The following TSPAN9 variants were observed in gnomAD, a reference collection of about 807,000 sequenced individuals.
The protein encoded by TSPAN9 is tetraspanin-9.
A neutral mutation model predicts 31.0 loss-of-function variants in TSPAN9; 16 were observed. That is an observed-to-expected ratio of 0.52 (90% CI 0.35 to 0.78). TSPAN9 has a LOEUF of 0.78. Among genes scored for constraint, TSPAN9 ranks in the 30% least tolerant of loss-of-function variants. TSPAN9 has a pLI of 0.01. For missense variants in TSPAN9, 272 were observed against 312.5 expected (o/e 0.87, Z 0.98); for synonymous variants, 145 against 121.6 (o/e 1.19, Z -1.27).
chr12:3,208,780 T>G (rs2098376681), intron 3 of TSPAN9, among the ~76,000 whole-genome samples: 1 of 152,272 alleles, frequency 6.6e-6, no homozygotes, highest in Non-Finnish European at 1.5e-5. Context: ...TCTATGCCCA[T>G]GAGCCTCTGT....
chr12:3,138,685 G>C (rs1487729311), intron 2 of TSPAN9, among the ~76,000 whole-genome samples: 1 of 151,988 alleles, frequency 6.6e-6, no homozygotes, highest in Admixed American at 6.6e-5. Flanking sequence ...GTAGAGATGG[G>C]GTTTCGTCAT....
intron 3 of TSPAN9, among the ~76,000 whole-genome samples, chr12:3,235,395 C>A (rs997912613): frequency 6.6e-6 from 1 of 150,380 alleles, no homozygotes; most frequent in Non-Finnish European, 1.5e-5. Flanking sequence ...CGCACGCTAG[C>A]ATTTTCCTTA....
chr12:3,133,513 T>G (rs7975449), intron 2 of TSPAN9, among the ~76,000 whole-genome samples: 93,293 of 151,898 alleles, frequency 0.61, 28,795 homozygotes, highest in Admixed American at 0.66. Context: ...CCTTGGTATG[T>G]ATTCAGAATC....
intron 3 of TSPAN9, among the ~76,000 whole-genome samples, chr12:3,225,424 G>A (rs1406101062): frequency 2.0e-4 from 30 of 152,286 alleles, no homozygotes; most frequent in African/African-American, 5.8e-4. Flanking sequence ...GAGGCCTGCA[G>A]AGACTGAAGG....
intron 2 of TSPAN9, among the ~76,000 whole-genome samples, chr12:3,188,497 G>T (rs1316877353): frequency 6.6e-6 from 1 of 152,134 alleles, no homozygotes; most frequent in Non-Finnish European, 1.5e-5. Flanking sequence ...GGCAGCATCA[G>T]TGCCCAGGGT....
chr12:3,096,433 C>CTTTTTTTTTT (rs1302577208), intron 2 of TSPAN9, among the ~76,000 whole-genome samples: 1 of 152,240 alleles, frequency 6.6e-6, no homozygotes, highest in South Asian at 2.1e-4. Context: ...TGCATTGTCT[C>CTTTTTTTTTT]TTTATTCCTT....
At chr12:3,244,593 C>G (rs2098398389) in intron 3 of TSPAN9, among the ~76,000 whole-genome samples, 1 of 152,188 alleles carries the variant, frequency 6.6e-6, no homozygotes, top group Non-Finnish European at 1.5e-5. Context: ...ACCTCACGCC[C>G]CACCGGACCA....
chr12:3,244,084 G>A (rs2098398049), intron 3 of TSPAN9, among the ~76,000 whole-genome samples: 1 of 152,182 alleles, frequency 6.6e-6, no homozygotes, highest in South Asian at 2.1e-4. Flanking sequence ...GCCTGTCTGG[G>A]AGCACTTTGT....
chr12:3,120,655 G>A (rs1020031267), intron 2 of TSPAN9, among the ~76,000 whole-genome samples: 5 of 152,230 alleles, frequency 3.3e-5, no homozygotes, highest in Non-Finnish European at 7.3e-5. Flanking sequence ...TTGGGCTAGG[G>A]CAGGAAGTTG....
intron 2 of TSPAN9, chr12:3,084,311 G>A: frequency 6.6e-6 from 1 of 152,622 alleles, no homozygotes; most frequent in Non-Finnish European, 1.5e-5. Context: ...GGTGGACGGT[G>A]CTGATTCAGG....
rs760999811 is a variant in TSPAN9, at chr12:3,107,136, C to G, written c.-18+23417C>G. 2.1e-4 allele frequency among the ~76,000 whole-genome samples: 32 copies of G among 152,094 alleles called. No individual in the cohort carries two copies. The highest frequency in any genetic ancestry group is 4.0e-4 in the Non-Finnish European group (27 of 68,026). On this transcript the variant is annotated intron_variant, in intron 2 of 8. Transcript: ENST00000011898. This position sits in a 1 kb window ranked among gnomAD's most constrained non-coding sequence, Gnocchi z 4.1. ...GCCACCGCAGAGCACGAAATCATCACGGGGCTGTGGAAATCCAATTAGACT... is the reference window on the plus strand; with the variant it reads ...GCCACCGCAGAGCACGAAATCATCAGGGGGCTGTGGAAATCCAATTAGACT...
chr12:3,242,467 C>T lies in TSPAN9; in HGVS notation c.64-35954C>T, dbSNP rs2098397055. On this transcript the variant is annotated intron_variant, in intron 3 of 8. Coordinates refer to ENST00000011898, the MANE Select transcript of TSPAN9 (RefSeq NM_006675.5). ...GAAGAGCAATAGCCTGGACATGTGACACGGCCAGTCCAAGCTCCCACAGTG... is the reference window on the plus strand; with the variant it reads ...GAAGAGCAATAGCCTGGACATGTGATACGGCCAGTCCAAGCTCCCACAGTG... 3.3e-5 allele frequency among the ~76,000 whole-genome samples: 5 copies of T among 152,244 alleles called. No individual in the cohort carries two copies. In the South Asian group the frequency reaches 1.0e-3, roughly 32 times the overall value.
chr12:3,262,283 CT>C (rs1862463241), intron 3 of TSPAN9, among the ~76,000 whole-genome samples: 1 of 152,054 alleles, frequency 6.6e-6, no homozygotes, highest in African/African-American at 2.4e-5. Context: ...TCAAAAGTCA[CT>C]CTTTTGAGAG....
chr12:3,212,238 G>A (rs549012590), intron 3 of TSPAN9, among the ~76,000 whole-genome samples: 2 of 152,218 alleles, frequency 1.3e-5, no homozygotes, highest in East Asian at 3.9e-4. Flanking sequence ...CCAAAGTGCT[G>A]GGATTACAGG....
intron 3 of TSPAN9, among the ~76,000 whole-genome samples, chr12:3,250,168 A>T (rs1862221547): frequency 6.6e-6 from 1 of 152,048 alleles, no homozygotes; most frequent in Non-Finnish European, 1.5e-5. Flanking sequence ...TGGTGAGTTT[A>T]TCAAAGTCCT....
intron 2 of TSPAN9, among the ~76,000 whole-genome samples, chr12:3,163,365 C>T (rs1426715013): frequency 1.3e-5 from 2 of 152,208 alleles, no homozygotes; most frequent in Non-Finnish European, 2.9e-5. Context: ...GCACTTTCCA[C>T]ACTCTACCCC....
At chr12:3,146,777 A>G (rs908064269) in intron 2 of TSPAN9, among the ~76,000 whole-genome samples, 4 of 152,096 alleles carry the variant, frequency 2.6e-5, no homozygotes, top group Non-Finnish European at 4.4e-5. Flanking sequence ...GCAAAAAGCT[A>G]TAGATCTTGA....
chr12:3,282,925 G>T, intron 8 of TSPAN9, 120 bp from the exon 9 acceptor site: 4 of 897,304 alleles, frequency 4.5e-6, no homozygotes, highest in Non-Finnish European at 7.0e-6. Flanking sequence ...CATTTTCCTG[G>T]CACACCAGTG....
chr12:3,248,936 C>T (rs1438250741), intron 3 of TSPAN9, among the ~76,000 whole-genome samples: 2 of 152,242 alleles, frequency 1.3e-5, no homozygotes, highest in Non-Finnish European at 2.9e-5. Flanking sequence ...CTGCCCCCCT[C>T]CGTACCCATG....
Sources: gnomAD v4.1 joint callset for allele counts (sites outside exome capture counted in the v4.1 genomes callset) on GRCh38, gnomAD v4.1.1 for gene constraint, Gnocchi (gnomAD v3.1) non-coding constraint, MANE v1.5 for transcripts, NCBI Gene and HGNC (gene_info 2026-07-23, HGNC 2026-07-21) for gene names.